Variants in NCOR2 observed in about 807,000 individuals in gnomAD.
NCOR2 encodes the protein CTG repeat protein 26.
A neutral mutation model predicts 262.9 loss-of-function variants in NCOR2; 81 were observed. The ratio of observed to expected loss-of-function variants is 0.31; its 90% CI spans 0.26 to 0.37. NCOR2 has a LOEUF of 0.37. NCOR2 is among the 10% of genes least tolerant of loss of function. The probability of loss-of-function intolerance (pLI) is 1.00; values close to 1 mark genes in which losing one functional copy is unlikely to be tolerated. For missense variants in NCOR2, 3,385 were observed against 3,621.4 expected, an observed-to-expected ratio of 0.93 and a Z score of 1.68; for synonymous variants, 1,659 against 1,559.3, an observed-to-expected ratio of 1.06 and a Z score of -1.51.
chr12:124,380,552 C>A (rs764847752), intron 17 of NCOR2, among the ~76,000 whole-genome samples: 2 of 152,226 alleles, frequency 1.3e-5, no homozygotes, highest in African/African-American at 2.4e-5. Context: ...GAGCCTGTGG[C>A]GGCCTGAGAA....
rs969461849 is a variant in NCOR2, at chr12:124,483,153, C to G, written c.411+443G>C. Among the ~76,000 whole-genome samples, 16 of 152,098 alleles carry G rather than the reference C, an allele frequency of 1.1e-4. No homozygotes were observed. The highest frequency in any genetic ancestry group is 3.6e-4 in the African/African-American group (15 of 41,400). On this transcript the variant is annotated intron_variant, in intron 3 of 46. Transcript: ENST00000405201. This position sits in a 1 kb window ranked among gnomAD's most constrained non-coding sequence, Gnocchi z 6.3. ...GGGTCACTGAGCCCCCTGTTCCAAGCAAGCATGGAACCAAACAACCCACCC... is the reference window on the plus strand; with the variant it reads ...GGGTCACTGAGCCCCCTGTTCCAAGGAAGCATGGAACCAAACAACCCACCC...
intron 5 of NCOR2, among the ~76,000 whole-genome samples, chr12:124,458,527 C>A (rs1466036892): frequency 2.0e-5 from 3 of 152,174 alleles, no homozygotes; most frequent in East Asian, 1.9e-4. Flanking sequence ...GGCTGGGGGC[C>A]AGAAGAGCAG....
chr12:124,398,930 G>A lies in NCOR2; in HGVS notation c.1814-749C>T, dbSNP rs568863163. ...CTGGAGGTGGCTGCATCTCTGCAGT[G>A]GCACTATTTTTGGGTCTGTCTGCCG... is the stretch of plus-strand genomic sequence containing the variant. On this transcript the variant is annotated intron_variant, in intron 15 of 46. Coordinates refer to ENST00000405201, the Ensembl canonical transcript of NCOR2. Among the ~76,000 whole-genome samples the A allele has an allele frequency of 2.6e-5, 4 of 152,326 alleles. No individual in the cohort carries two copies. In the East Asian group the frequency reaches 5.8e-4, roughly 22 times the overall value.
intron 1 of NCOR2, among the ~76,000 whole-genome samples, chr12:124,490,103 T>C (rs2048000242): frequency 6.6e-6 from 1 of 151,994 alleles, no homozygotes; most frequent in South Asian, 2.1e-4. Context: ...AGCTCCCACC[T>C]CAGGACCTTT....
At chr12:124,348,205 C>T in exon 29 of NCOR2, 1 of 1,612,478 alleles carries the variant, frequency 6.2e-7, no homozygotes, top group Non-Finnish European at 8.5e-7. Context: ...TGGCTCTGCC[C>T]ACGCGGCCCT....
In NCOR2 at chr12:124,360,576, C is replaced by T. The variant is rs566576543; in HGVS notation, c.3100+1550G>A. 1.4e-4 allele frequency among the ~76,000 whole-genome samples: 22 copies of T among 152,336 alleles called. No homozygotes were observed. The South Asian group carries it at 4.6e-3, about 32-fold the overall frequency. ...TTCAAATCCCTCCAGCAGCCCCTGCCACACCTGAGACAAAATCCACTGCCC... is the reference window on the plus strand; with the variant it reads ...TTCAAATCCCTCCAGCAGCCCCTGCTACACCTGAGACAAAATCCACTGCCC... On this transcript the variant is annotated intron_variant, in intron 22 of 46. Transcript: ENST00000405201.
chr12:124,339,969 A>G, intron 37 of NCOR2, 37 bp downstream of exon 39: 1 of 1,411,992 alleles, frequency 7.1e-7, no homozygotes, highest in South Asian at 1.2e-5. Context: ...CCACCCATCC[A>G]CCTGCCCGCC....
intron 40 of NCOR2, 69 bp downstream of exon 42, chr12:124,335,066 C>T (rs2035763658): frequency 1.7e-5 from 28 of 1,608,676 alleles, no homozygotes; most frequent in Non-Finnish European, 2.0e-5. Flanking sequence ...TGGGGTTCCC[C>T]ATCCCCTCTC....
chr12:124,430,939 C>T, intron 8 of NCOR2, 152 bp from the exon 11 acceptor site: 1 of 874,188 alleles, frequency 1.1e-6, no homozygotes, highest in Non-Finnish European at 1.7e-6. Context: ...GATACAGCCA[C>T]ACAGACACAT....
chr12:124,488,339 G>A (rs1474768386), intron 1 of NCOR2, among the ~76,000 whole-genome samples: 3 of 152,302 alleles, frequency 2.0e-5, no homozygotes, highest in East Asian at 1.9e-4. Context: ...TGGACAGTCC[G>A]ATGTAGATAC....
chr12:124,350,556 G>A lies in NCOR2; in HGVS notation c.3844+31C>T, dbSNP rs750901313. Reference sequence around the variant, plus strand: ...GTGGGCCAAGCACACTCCTCCCCTGGTCCTGGGCCTCCTCTCCTCCTGCGA... The same window carrying A: ...GTGGGCCAAGCACACTCCTCCCCTGATCCTGGGCCTCCTCTCCTCCTGCGA... On this transcript the variant is annotated intron_variant, in intron 28 of 46. Transcript: ENST00000405201. 1.2e-6 allele frequency: 2 copies of A among 1,602,288 alleles called. 1 individual carries two copies. The highest frequency in any genetic ancestry group is 2.2e-5 in the South Asian group (2 of 89,598).
upstream of NCOR2, among the ~76,000 whole-genome samples, chr12:124,535,951 A>G (rs2051101496): frequency 6.6e-6 from 1 of 152,110 alleles, no homozygotes; most frequent in African/African-American, 2.4e-5. Context: ...CTACTGGGAA[A>G]CTGCCCCATT....
At chr12:124,521,606 C>T (rs1030687097) in intron 1 of NCOR2, among the ~76,000 whole-genome samples, 3 of 152,078 alleles carry the variant, frequency 2.0e-5, no homozygotes, top group Non-Finnish European at 2.9e-5. Flanking sequence ...CTGCGGGAGG[C>T]GGCAACGTGA....
At position 124,341,807 on chromosome 12, in the gene NCOR2, C is replaced by A; in HGVS notation, c.5188+16G>T. The A allele has an allele frequency of 6.3e-7, 1 of 1,587,478 alleles. No homozygotes were observed. ...TAAGGCCAAACCCAGCGGAGGTGGT[C>A]TGCCCACCCACTCACCTCGGGGACC... On this transcript the variant is annotated intron_variant, in intron 34 of 46. Coordinates refer to ENST00000405201, the Ensembl canonical transcript of NCOR2.
intron 13 of NCOR2, among the ~76,000 whole-genome samples, chr12:124,403,843 G>A (rs191058129): frequency 2.0e-5 from 3 of 152,334 alleles, no homozygotes; most frequent in African/African-American, 7.2e-5. Flanking sequence ...GCAGGCAACC[G>A]TGGGCTCCCT....
intron 22 of NCOR2, among the ~76,000 whole-genome samples, chr12:124,357,179 CCTT>C (rs1165421090): frequency 2.6e-5 from 4 of 152,310 alleles, no homozygotes; most frequent in African/African-American, 9.6e-5. Flanking sequence ...GACAGGGTCT[CCTT>C]CTGTCACTCA....
At chr12:124,425,355 C>G (rs190493231) in intron 11 of NCOR2, among the ~76,000 whole-genome samples, 80 of 150,578 alleles carry the variant, frequency 5.3e-4, no homozygotes, top group Middle Eastern at 3.4e-3. Flanking sequence ...GCCTGGGCAA[C>G]AGAACGAAAC....
At chr12:124,376,794 C>T (rs750404619) in intron 18 of NCOR2, among the ~76,000 whole-genome samples, 32 of 152,262 alleles carry the variant, frequency 2.1e-4, no homozygotes, top group South Asian at 6.2e-4. Flanking sequence ...CGTTCAAAGG[C>T]AGAGAGGGAG....
exon 28 of NCOR2, chr12:124,350,678 G>A (rs1230522485): frequency 6.2e-7 from 1 of 1,613,658 alleles, no homozygotes; most frequent in Non-Finnish European, 8.5e-7. Flanking sequence ...AGCGACTCGG[G>A]CTGTCCTCGC....
Sources: gnomAD v4.1 joint callset for allele counts (sites outside exome capture counted in the v4.1 genomes callset) on GRCh38, gnomAD v4.1.1 for gene constraint, Gnocchi (gnomAD v3.1) non-coding constraint, MANE v1.5 for transcripts, NCBI Gene and HGNC (gene_info 2026-07-23, HGNC 2026-07-21) for gene names.